Variants in ILDR1 observed in about 807,000 individuals in gnomAD.
ILDR1 encodes the protein immunoglobulin-like domain-containing receptor 1.
In ILDR1, 56 loss-of-function variants were observed where a neutral mutation model predicts 62.4. That is an observed-to-expected ratio of 0.90 (90% CI 0.72 to 1.12). ILDR1 has a LOEUF of 1.12. Ranked by LOEUF, ILDR1 falls within the 50% of genes most tolerant of loss-of-function variation. The probability of loss-of-function intolerance (pLI) is 0.00; values close to 1 mark genes in which losing one functional copy is unlikely to be tolerated. For synonymous variants in ILDR1, 284 were observed against 277.8 expected (o/e 1.02, Z -0.22); for missense variants, 736 against 710.6 (o/e 1.04, Z -0.41).
chr3:121,996,983 C>A (rs1330815396), intron 5 of ILDR1, among the ~76,000 whole-genome samples: 3 of 152,210 alleles, frequency 2.0e-5, no homozygotes, highest in Non-Finnish European at 1.5e-5. Flanking sequence ...TCACTGCAAC[C>A]TTCGCCTCTG....
the ILDR1 span, among the ~76,000 whole-genome samples, chr3:122,034,925 A>G: frequency 2.0e-5 from 3 of 152,226 alleles, no homozygotes; most frequent in Non-Finnish European, 4.4e-5. Flanking sequence ...AGGATGGGAA[A>G]GACCTGCCCC....
At chr3:122,047,620 G>A in the ILDR1 span, among the ~76,000 whole-genome samples, 14 of 152,176 alleles carry the variant, frequency 9.2e-5, no homozygotes, top group East Asian at 1.9e-4. Flanking sequence ...CTCGTGGTTC[G>A]CCGTTTTTTA....
chr3:122,019,679 C>A (rs1331651661), intron 1 of ILDR1, among the ~76,000 whole-genome samples: 1 of 152,172 alleles, frequency 6.6e-6, no homozygotes, highest in Non-Finnish European at 1.5e-5. Context: ...GACTCCCTGG[C>A]CTCAGAAGCT....
chr3:122,013,669 GCT>G, intron 1 of ILDR1, among the ~76,000 whole-genome samples: 1 of 152,120 alleles, frequency 6.6e-6, no homozygotes, highest in East Asian at 1.9e-4. Context: ...GAAGTGACTA[GCT>G]ATGGACAAGA....
At chr3:121,994,000 A>G in intron 6 of ILDR1, 30 bp from the exon 7 acceptor site, 1 of 1,594,086 alleles carries the variant, frequency 6.3e-7, no homozygotes, top group Non-Finnish European at 8.5e-7. Context: ...GGACAATAGA[A>G]CAAATGGCCC....
Position 121,993,222 on chromosome 3 carries a change from C to A in ILDR1, c.1527G>T (p.Pro509=), listed in dbSNP as rs149884253. The change falls in exon 7 of 8, where the codon CCG becomes CCT. Residue 509 remains proline, a synonymous_variant. Transcript: ENST00000344209. ...TGATATCAAGTGAGCGGTAGCTAGGCGGCTTCTCCTCGGGCCAGTGTGGGG... is the reference window on the plus strand; with the variant it reads ...TGATATCAAGTGAGCGGTAGCTAGGAGGCTTCTCCTCGGGCCAGTGTGGGG... ...SHSPHWPEEK[P]PSYRSLDITP... The A allele has an allele frequency of 3.7e-6, 6 of 1,613,826 alleles. No individual in the cohort carries two copies. The highest frequency in any genetic ancestry group is 5.1e-6 in the Non-Finnish European group (6 of 1,179,954).
At chr3:122,005,202 T>TCCCCCCCC in intron 3 of ILDR1, 42 bp downstream of exon 3, 1 of 1,216,414 alleles carries the variant, frequency 8.2e-7, no homozygotes, top group Middle Eastern at 2.0e-4. Context: ...TGTCTGCACC[T>TCCCCCCCC]CCCCCCACCC....
In ILDR1 at chr3:122,005,339, T is replaced by C. The variant is rs776726555; in HGVS notation, c.284A>G (p.Asn95Ser). The C allele has an allele frequency of 1.9e-6, 3 of 1,614,070 alleles. No individual in the cohort carries two copies. Among genetic ancestry groups the C allele is most frequent in the East Asian group, 2.2e-5 (1 of 44,864 alleles). ...GGCCACTATGCGAACTTCCCGCTGG[T>C]TGTCGTTGCAGTCATTGGATGGGTC... The part of the protein sequence containing the change: ...GQDPSNDCND[N>S]QREVRIVAQR... Residue 95 changes from asparagine (N) to serine (S), a missense_variant, in exon 3 of 8, where the codon AAC (asparagine) becomes AGC (serine). Transcript: ENST00000344209.
chr3:122,023,788 A>ACAG (rs150002932), upstream of ILDR1, among the ~76,000 whole-genome samples: 222 of 151,332 alleles, frequency 1.5e-3, no homozygotes, highest in Middle Eastern at 0.017. Context: ...GGATCCTAGC[A>ACAG]CAGCAGCAGC....
At chr3:122,017,854 T>C (rs2071797943) in intron 1 of ILDR1, among the ~76,000 whole-genome samples, 1 of 152,152 alleles carries the variant, frequency 6.6e-6, no homozygotes, top group Non-Finnish European at 1.5e-5. Flanking sequence ...TACCATCTCA[T>C]GCCAGTTAGA....
chr3:122,005,125 C>A (rs1451282368), intron 3 of ILDR1, 119 bp downstream of exon 3: 2 of 743,350 alleles, frequency 2.7e-6, no homozygotes, highest in Non-Finnish European at 4.6e-6. Flanking sequence ...ATGACAGTGA[C>A]CAAGTAGACC....
the ILDR1 span, chr3:122,055,539 T>C: frequency 1.2e-6 from 2 of 1,609,108 alleles, no homozygotes; most frequent in Admixed American, 1.7e-5. Flanking sequence ...AGAGAAGTTA[T>C]GAGTTGTGAC....
rs2071439907 is a variant in ILDR1, at chr3:121,996,604, A to G, written c.647-2291T>C. Among the ~76,000 whole-genome samples, 5 of 152,350 alleles carry G rather than the reference A, an allele frequency of 3.3e-5. No homozygotes were observed. In the South Asian group the frequency reaches 1.0e-3, roughly 32 times the overall value. On this transcript the variant is annotated intron_variant, in intron 5 of 7. Coordinates refer to ENST00000344209, the MANE Select transcript of ILDR1 (RefSeq NM_001199799.2). ...CCTGGATAAGGCAACAAAGCTGCAA[A>G]AGACTCCCAATAAGTTATCTTTTAA...
At chr3:122,031,628 A>G in the ILDR1 span, among the ~76,000 whole-genome samples, 1 of 152,280 alleles carries the variant, frequency 6.6e-6, no homozygotes, top group South Asian at 2.1e-4. Context: ...CCCTTATAAG[A>G]GAGACCCCCA....
At chr3:122,045,172 T>G in the ILDR1 span, among the ~76,000 whole-genome samples, 2 of 150,820 alleles carry the variant, frequency 1.3e-5, no homozygotes, top group African/African-American at 4.9e-5. Flanking sequence ...CATTTCGTTA[T>G]GTACCCAGTA....
At chr3:121,997,011 C>T (rs573409056) in intron 5 of ILDR1, among the ~76,000 whole-genome samples, 2 of 152,310 alleles carry the variant, frequency 1.3e-5, no homozygotes, top group Admixed American at 1.3e-4. Flanking sequence ...AGCGATTCTT[C>T]TGTCTCAGCC....
the ILDR1 span, among the ~76,000 whole-genome samples, chr3:122,035,857 A>C: frequency 1.5e-4 from 23 of 152,262 alleles, no homozygotes; most frequent in Non-Finnish European, 3.1e-4. Flanking sequence ...GGATTGCTAC[A>C]AAGATAACTG....
intron 3 of ILDR1, among the ~76,000 whole-genome samples, chr3:122,002,813 C>G (rs538633512): frequency 6.6e-6 from 1 of 152,146 alleles, no homozygotes; most frequent in Non-Finnish European, 1.5e-5. Context: ...TTGTTCCCCC[C>G]ATGTGACCAT....
chr3:122,006,029 A>G (rs1277179162), intron 2 of ILDR1, among the ~76,000 whole-genome samples: 2 of 152,186 alleles, frequency 1.3e-5, no homozygotes, highest in Admixed American at 1.3e-4. Flanking sequence ...CTCCCTGGCC[A>G]CTTAACCCAG....
Sources: allele counts gnomAD v4.1 joint callset (sites outside exome capture counted in the v4.1 genomes callset), GRCh38; gene constraint gnomAD v4.1.1; transcripts MANE v1.5; gene names NCBI Gene and HGNC (gene_info 2026-07-23, HGNC 2026-07-21).